The following ASTN1 variants were observed in gnomAD, a reference collection of about 807,000 sequenced individuals.
The protein encoded by ASTN1 is astrotactin-1.
ASTN1 carries 41 observed loss-of-function variants against 140.7 expected under a neutral mutation model. The observed-to-expected ratio is 0.29, with a 90% CI of 0.23 to 0.38. ASTN1 has a LOEUF of 0.38. Ranked by LOEUF, ASTN1 falls within the 10% of genes least tolerant of loss-of-function variation. The pLI is 1.00. For missense variants in ASTN1, 1,479 were observed against 1,678.8 expected (o/e 0.88, Z 2.08); for synonymous variants, 640 against 652.2 (o/e 0.98, Z 0.29).
intron 8 of ASTN1, among the ~76,000 whole-genome samples, chr1:176,988,701 C>A (rs1300791329): frequency 1.3e-5 from 2 of 152,116 alleles, no homozygotes; most frequent in Non-Finnish European, 2.9e-5. Flanking sequence ...GTTTAAAGAT[C>A]TTGGAAACTT....
intron 1 of ASTN1, among the ~76,000 whole-genome samples, chr1:177,077,224 A>T (rs1558078480): frequency 6.6e-6 from 1 of 151,974 alleles, no homozygotes; most frequent in African/African-American, 2.4e-5. Flanking sequence ...TTCCCCCTCA[A>T]TCTCAGCGTG....
At chr1:177,161,751 T>G (rs1647384818) in intron 1 of ASTN1, among the ~76,000 whole-genome samples, 1 of 152,032 alleles carries the variant, frequency 6.6e-6, no homozygotes, top group Non-Finnish European at 1.5e-5. Context: ...TCTTGTTGTT[T>G]GTAATTTTTT....
chr1:176,967,074 CT>C (rs1672923103), intron 8 of ASTN1, among the ~76,000 whole-genome samples: 1 of 152,100 alleles, frequency 6.6e-6, no homozygotes, highest in Admixed American at 6.6e-5. Flanking sequence ...GCCATTGGAA[CT>C]ATATAAGGAA....
At chr1:177,043,434 G>C (rs1677068896) in intron 2 of ASTN1, among the ~76,000 whole-genome samples, 1 of 152,204 alleles carries the variant, frequency 6.6e-6, no homozygotes, top group South Asian at 2.1e-4. Flanking sequence ...TTTTGCATTA[G>C]AACCCAAAAG....
chr1:177,032,594 C>G lies in ASTN1; in HGVS notation c.727G>C (p.Glu243Gln), dbSNP rs764306817. Reference sequence around the variant, plus strand: ...TGGCGCAGATCAGTGATGTCATACTCATAGCCGTCCAGGATAGGTGTCTCC... The same window carrying G: ...TGGCGCAGATCAGTGATGTCATACTGATAGCCGTCCAGGATAGGTGTCTCC... ...IRETPILDGY[E>Q]YDITDLRHHL... The change falls in exon 3 of 23, where the codon GAG becomes CAG. Residue 243 changes from glutamate (E) to glutamine (Q), a missense_variant. By Grantham distance (29) the Glu-to-Gln change is conservative. Coordinates refer to ENST00000361833, the MANE Select transcript of ASTN1 (RefSeq NM_004319.3). 6.2e-7 allele frequency: 1 copy of G among 1,614,226 alleles called. No individual in the cohort carries two copies. Among genetic ancestry groups the G allele is most frequent in the Admixed American group, 1.7e-5 (1 of 60,026 alleles).
chr1:176,996,268 C>A, intron 8 of ASTN1, among the ~76,000 whole-genome samples: 3 of 105,220 alleles, frequency 2.9e-5, no homozygotes, highest in Non-Finnish European at 6.5e-5. Context: ...TATCCTCTCT[C>A]TCTCTCTCTC....
intron 18 of ASTN1, 33 bp from the exon 19 acceptor site, chr1:176,884,523 G>A: frequency 1.3e-6 from 2 of 1,581,532 alleles, no homozygotes; most frequent in Non-Finnish European, 8.7e-7. Context: ...ATGAAACAGG[G>A]ACACAACTGT....
In ASTN1 at chr1:176,868,955, G is replaced by T. The variant is rs1430112601; in HGVS notation, c.3536C>A (p.Thr1179Asn). 1 of 1,613,048 alleles carries T rather than the reference G, an allele frequency of 6.2e-7. No individual in the cohort carries two copies. ...SGKEQQTAYN[T>N]LLDLGSPTLH... ...GGTGGGGGAACCCAGATCCAGGAGG[G>T]TGTTGTAGGCGGTCTGCTGCTCCTT... Residue 1179 changes from threonine to asparagine, a missense_variant, in exon 22 of 23, where the codon ACC becomes AAC. Thr to Asn is a moderately conservative substitution (Grantham distance 65). This residue lies in a region of ASTN1 where 746 missense variants were observed against 800.9 expected (regional missense o/e 0.93). Transcript: ENST00000361833.
chr1:177,017,029 T>G (rs1675578116), intron 7 of ASTN1, among the ~76,000 whole-genome samples: 1 of 152,230 alleles, frequency 6.6e-6, no homozygotes, highest in Middle Eastern at 3.2e-3. Flanking sequence ...GGGAGTTCTC[T>G]TTCACATTTG....
intron 16 of ASTN1, 117 bp from the exon 17 acceptor site, chr1:176,894,947 G>C: frequency 7.2e-7 from 1 of 1,385,778 alleles, no homozygotes; most frequent in Non-Finnish European, 9.9e-7. Flanking sequence ...GCCACTGAAG[G>C]GGTAAGAATG....
intron 1 of ASTN1, among the ~76,000 whole-genome samples, chr1:177,087,872 G>A (rs1679557386): frequency 3.9e-5 from 6 of 152,194 alleles, no homozygotes; most frequent in Non-Finnish European, 5.9e-5. Context: ...CTCACTGAGT[G>A]AAGTTCGGAG....
intron 1 of ASTN1, among the ~76,000 whole-genome samples, chr1:177,062,879 A>G (rs1468015999): frequency 1.1e-4 from 17 of 152,192 alleles, no homozygotes. Context: ...AACAAATTCT[A>G]CAAAGCAACC....
chr1:177,065,526 C>T (rs562333327), intron 1 of ASTN1, among the ~76,000 whole-genome samples: 5 of 152,054 alleles, frequency 3.3e-5, no homozygotes, highest in Non-Finnish European at 5.9e-5. Flanking sequence ...GAATGCAGAG[C>T]GGAGCTTGGC....
Position 176,965,044 on chromosome 1 carries a change from G to T in ASTN1, c.1598+119C>A, listed in dbSNP as rs946464038. The T allele has an allele frequency of 2.0e-4, 179 of 912,528 alleles. 1 individual carries two copies. In the African/African-American group the frequency reaches 2.8e-3, roughly 14 times the overall value. The allele number at this position is 912,528 out of a possible 1,614,324, so 56.5% of individuals were successfully genotyped here. A position where few individuals can be genotyped will look rare whatever the true frequency, so the allele number is the denominator to read the frequency against. ...GGGCAAACACTTTTGTTAGCAGGTG[G>T]TCGTGACAACTCAAGGTGTTTCCTA... is the stretch of plus-strand genomic sequence containing the variant. On this transcript the variant is annotated intron_variant, in intron 9 of 22. Coordinates refer to ENST00000361833, the MANE Select transcript of ASTN1 (RefSeq NM_004319.3).
chr1:176,858,422 A>G (rs1351215165), downstream of ASTN1, among the ~76,000 whole-genome samples: 1 of 152,212 alleles, frequency 6.6e-6, no homozygotes, highest in African/African-American at 2.4e-5. Context: ...TTATCAAAAC[A>G]TATCAAGCTA....
chr1:177,098,377 T>C (rs1389785409), intron 1 of ASTN1, among the ~76,000 whole-genome samples: 2 of 152,176 alleles, frequency 1.3e-5, no homozygotes, highest in East Asian at 1.9e-4. Context: ...AGTACCTATA[T>C]CAAAGGACTG....
At chr1:176,883,295 C>T (rs533101573) in intron 19 of ASTN1, among the ~76,000 whole-genome samples, 32 of 148,636 alleles carry the variant, frequency 2.2e-4, no homozygotes, top group East Asian at 6.0e-4. Flanking sequence ...TGCAGTGGCG[C>T]GATCTTGTCT....
Position 176,863,434 on chromosome 1 carries a change from A to C in ASTN1, c.*850T>G. On this transcript the variant is annotated 3_prime_UTR_variant, in exon 23 of 23. Coordinates refer to ENST00000361833, the MANE Select transcript of ASTN1 (RefSeq NM_004319.3). ...ATTGGTAGGCTGGAGAAGTCTATCC[A>C]AAGGAAGCATGGTTTTTTTAAAAAA... 1 of 985,858 alleles carries C rather than the reference A, an allele frequency of 1.0e-6. No homozygotes were observed. The highest frequency in any genetic ancestry group is 1.1e-4 in the East Asian group (1 of 8,808). 61.1% of individuals were successfully genotyped at this position (985,858 alleles called of 1,614,324 possible). A position where few individuals can be genotyped will look rare whatever the true frequency, so the allele number is the denominator to read the frequency against.
At chr1:176,974,114 T>A (rs1268696562) in intron 8 of ASTN1, among the ~76,000 whole-genome samples, 1 of 152,228 alleles carries the variant, frequency 6.6e-6, no homozygotes, top group Non-Finnish European at 1.5e-5. Flanking sequence ...CTATATTTTA[T>A]GTATATGTGC....
Sources: allele counts gnomAD v4.1 joint callset (sites outside exome capture counted in the v4.1 genomes callset), GRCh38; gene constraint gnomAD v4.1.1; regional missense constraint gnomAD v4.1.1; transcripts MANE v1.5; gene names NCBI Gene and HGNC (gene_info 2026-07-23, HGNC 2026-07-21).